ITGA6: variants seen among roughly 807,000 people sequenced by gnomAD.
ITGA6 encodes the protein integrin subunit alpha 6.
In ITGA6, 63 loss-of-function variants were observed where a neutral mutation model predicts 133.6. The observed-to-expected ratio is 0.47, with a 90% CI of 0.38 to 0.58. The LOEUF (loss-of-function observed/expected upper bound fraction) is 0.58. Ranked by LOEUF, ITGA6 falls within the 20% of genes least tolerant of loss-of-function variation. ITGA6 has a pLI of 0.00. For synonymous variants in ITGA6, 434 were observed against 482.0 expected (o/e 0.90, Z 1.30); for missense variants, 1,068 against 1,309.4 (o/e 0.82, Z 2.85).
intron 19 of ITGA6, 107 bp downstream of exon 19, chr2:172,488,335 A>G (rs1574402537): frequency 1.3e-6 from 1 of 795,812 alleles, no homozygotes; most frequent in East Asian, 2.6e-5. Flanking sequence ...AAGCATTGTA[A>G]GTAAATCATG....
chr2:172,470,037 A>G (rs1685852142), intron 4 of ITGA6, among the ~76,000 whole-genome samples: 1 of 152,228 alleles, frequency 6.6e-6, no homozygotes, highest in South Asian at 2.1e-4. Context: ...AAGACAACCT[A>G]ACTCTCATCC....
chr2:172,462,777 C>T (rs1685485628), intron 1 of ITGA6, among the ~76,000 whole-genome samples: 2 of 152,186 alleles, frequency 1.3e-5, no homozygotes, highest in South Asian at 4.1e-4. Context: ...AGCAGCTGTA[C>T]CCTGCAGGAC....
rs569831637 is a variant in ITGA6 at position 172,455,761 on chromosome 2, G to A, written c.183-9778G>A. Among the ~76,000 whole-genome samples, 4 of 152,292 alleles carry A rather than the reference G, an allele frequency of 2.6e-5. No individual in the cohort carries two copies. In the South Asian group the frequency reaches 8.3e-4, roughly 32 times the overall value. On this transcript the variant is annotated intron_variant, in intron 1 of 25. Transcript: ENST00000684293. Reference sequence around the variant, plus strand: ...TGTTGTGAGTACAGAGTTCTCAGATGTCTTTTTAGATCTCCAAATCAGTCA... The same window carrying A: ...TGTTGTGAGTACAGAGTTCTCAGATATCTTTTTAGATCTCCAAATCAGTCA...
At chr2:172,433,374 T>TCTC (rs1238883093) in intron 1 of ITGA6, among the ~76,000 whole-genome samples, 1 of 152,160 alleles carries the variant, frequency 6.6e-6, no homozygotes, top group East Asian at 1.9e-4. Flanking sequence ...GACTAGCTTT[T>TCTC]CTCCTTTACA....
rs191117279 is a variant in ITGA6, at chr2:172,487,136, A to G, written c.1968A>G (p.Pro656=). The G allele has an allele frequency of 6.3e-7, 1 of 1,581,138 alleles. No homozygotes were observed. The highest frequency in any genetic ancestry group is 1.3e-5 in the African/African-American group (1 of 74,382). Residue 656 remains proline (P), a splice_region_variant and synonymous_variant, in exon 14 of 26, where the codon CCA becomes CCG. Transcript: ENST00000684293. ...ATCAAGACAAATTTTCTTATTTACC[A>G]ATGTAAGAATCGTTGTGTAGCACTA... ...EGNQDKFSYL[P]IQKGVPELVL...
At chr2:172,457,291 T>C (rs1352845820) in intron 1 of ITGA6, among the ~76,000 whole-genome samples, 7 of 79,628 alleles carry the variant, frequency 8.8e-5, no homozygotes, top group African/African-American at 6.3e-4. Context: ...CGAGATTCTG[T>C]CTCCAAAAAA....
chr2:172,479,746 A>T lies in ITGA6; in HGVS notation c.1487+7A>T, dbSNP rs1920979. On this transcript the variant is annotated splice_region_variant and intron_variant, in intron 10 of 25. Transcript: ENST00000684293. ...GGGCGCCTAGTGGGATATGGTGAGCATCCCTCTGTCTTGGTGGGATCCCCC... is the reference window on the plus strand; with the variant it reads ...GGGCGCCTAGTGGGATATGGTGAGCTTCCCTCTGTCTTGGTGGGATCCCCC... The T allele has an allele frequency of 1.2e-6, 2 of 1,610,710 alleles. No homozygotes were observed. The highest frequency in any genetic ancestry group is 1.7e-6 in the Non-Finnish European group (2 of 1,177,454).
At chr2:172,477,631 A>G (rs1686233745) in intron 9 of ITGA6, among the ~76,000 whole-genome samples, 2 of 152,206 alleles carry the variant, frequency 1.3e-5, no homozygotes, top group Non-Finnish European at 2.9e-5. Context: ...ATATTTTAAT[A>G]TCCTTACTTT....
At chr2:172,437,324 A>T (rs1684363399) in intron 1 of ITGA6, among the ~76,000 whole-genome samples, 1 of 152,222 alleles carries the variant, frequency 6.6e-6, no homozygotes, top group Non-Finnish European at 1.5e-5. Flanking sequence ...TAAACAGATA[A>T]GAGATGGTGA....
intron 1 of ITGA6, among the ~76,000 whole-genome samples, chr2:172,430,802 G>T (rs1307947618): frequency 6.6e-6 from 1 of 152,176 alleles, no homozygotes; most frequent in African/African-American, 2.4e-5. Context: ...AGCCAAGTTG[G>T]TCCGCCGAGT....
At position 172,427,650 on chromosome 2, in the gene ITGA6, C is replaced by G. The variant is rs1046306597; in HGVS notation, c.-139C>G. ...GAGCGGCCGGACGGAGAGCGCGACC[C>G]GTCCCGGGGGTGGGGCCGGGCGCAG... is the stretch of plus-strand genomic sequence containing the variant. On this transcript the variant is annotated 5_prime_UTR_variant, in exon 1 of 26. Coordinates refer to ENST00000684293, the MANE Select transcript of ITGA6 (RefSeq NM_000210.4). 1 of 1,303,304 alleles carries G rather than the reference C, an allele frequency of 7.7e-7. No homozygotes were observed. Among genetic ancestry groups the G allele is most frequent in the East Asian group, 3.3e-5 (1 of 30,656 alleles). The allele number at this position is 1,303,304 out of a possible 1,614,324, so 80.7% of individuals were successfully genotyped here. A position where few individuals can be genotyped will look rare whatever the true frequency, so the allele number is the denominator to read the frequency against.
Position 172,485,045 on chromosome 2 carries a change from A to G in ITGA6, c.1711-76A>G, listed in dbSNP as rs909791414. 5.6e-6 allele frequency: 9 copies of G among 1,594,980 alleles called. No individual in the cohort carries two copies. The Admixed American group carries it at 1.5e-4, about 27-fold the overall frequency. On this transcript the variant is annotated intron_variant, in intron 12 of 25. Coordinates refer to ENST00000684293, the MANE Select transcript of ITGA6 (RefSeq NM_000210.4). ...ATTTATTCTGGCAACCTCTTAATCA[A>G]TACAAAATCATTGTTTTGGAATTCC...
chr2:172,432,122 G>A (rs36055280), intron 1 of ITGA6, among the ~76,000 whole-genome samples: 36,889 of 152,152 alleles, frequency 0.24, 5,611 homozygotes, highest in Non-Finnish European at 0.34. Context: ...GGGACAGTGA[G>A]ACAAAACAGA....
rs2149036892 is a variant in ITGA6, at chr2:172,466,007, A to C, written c.307+344A>C. On this transcript the variant is annotated intron_variant, in intron 2 of 25. Coordinates refer to ENST00000684293, the MANE Select transcript of ITGA6 (RefSeq NM_000210.4). The stretch of plus-strand genomic sequence containing the variant: ...TGAGCGTATCTTGTATTCATCAGCC[A>C]AAAGTTCTCACATGCTGTTAAAATA... 4 of 373,084 alleles carry C rather than the reference A, an allele frequency of 1.1e-5. No individual in the cohort carries two copies. The Middle Eastern group carries it at 3.4e-3, about 319-fold the overall frequency. 23.1% of individuals were successfully genotyped at this position (373,084 alleles called of 1,614,324 possible).
chr2:172,459,363 G>A (rs549328750), intron 1 of ITGA6, among the ~76,000 whole-genome samples: 29 of 152,300 alleles, frequency 1.9e-4, no homozygotes, highest in Admixed American at 3.3e-4. Flanking sequence ...AAGTAGCCAG[G>A]CGTGATGGCA....
rs199769834 is a variant in ITGA6, at chr2:172,465,523, T to C, written c.183-16T>C. 87 of 1,614,096 alleles carry C rather than the reference T, an allele frequency of 5.4e-5. No individual in the cohort carries two copies. The highest frequency in any genetic ancestry group is 7.3e-5 in the Non-Finnish European group (86 of 1,179,980). On this transcript the variant is annotated splice_polypyrimidine_tract_variant and intron_variant, in intron 1 of 25. Transcript: ENST00000684293. ...ATTAAATTCAAATCTCCAAATTGTC[T>C]CTGTTTCATCAACAGGTTGCTCGTG...
At chr2:172,431,812 G>A (rs1029329932) in intron 1 of ITGA6, among the ~76,000 whole-genome samples, 2 of 152,196 alleles carry the variant, frequency 1.3e-5, no homozygotes, top group Non-Finnish European at 2.9e-5. Context: ...ACACAGGCTG[G>A]TGTGAGACCA....
At chr2:172,486,176 C>CAA (rs67271824) in intron 13 of ITGA6, among the ~76,000 whole-genome samples, 11,283 of 77,038 alleles carry the variant, frequency 0.15, 833 homozygotes, top group African/African-American at 0.21. Context: ...ACTCTATCTC[C>CAA]AAAAAAAAAA....
At chr2:172,471,419 G>T (rs531788649) in intron 5 of ITGA6, among the ~76,000 whole-genome samples, 3 of 152,198 alleles carry the variant, frequency 2.0e-5, no homozygotes, top group Admixed American at 6.5e-5. Context: ...GAAACAGGCC[G>T]CTCATGCAGC....
Sources: allele counts gnomAD v4.1 joint callset (sites outside exome capture counted in the v4.1 genomes callset), GRCh38; gene constraint gnomAD v4.1.1; transcripts MANE v1.5; gene names NCBI Gene and HGNC (gene_info 2026-07-23, HGNC 2026-07-21).